CMBL: variants seen among roughly 807,000 people sequenced by gnomAD.
The protein encoded by CMBL is carboxymethylenebutenolidase homolog (Pseudomonas).
Under a neutral mutation model 28.7 loss-of-function variants are expected in CMBL, and 17 were observed. The observed-to-expected ratio is 0.59, with a 90% CI of 0.41 to 0.89. The LOEUF is 0.89. Among genes scored for constraint, CMBL ranks in the 40% least tolerant of loss-of-function variants. The pLI is 0.00. For missense variants in CMBL, 310 were observed against 298.5 expected, an observed-to-expected ratio of 1.04 and a Z score of -0.28; for synonymous variants, 106 against 101.6, an observed-to-expected ratio of 1.04 and a Z score of -0.26.
At chr5:10,296,628 G>C (rs1746814490) in intron 1 of CMBL, among the ~76,000 whole-genome samples, 1 of 152,158 alleles carries the variant, frequency 6.6e-6, no homozygotes, top group Admixed American at 6.5e-5. Flanking sequence ...CTGAGCCCTG[G>C]GGTCCTTCAA....
chr5:10,277,603 CT>C lies in CMBL; in HGVS notation c.*2849del, dbSNP rs969692141. 4.4e-4 allele frequency among the ~76,000 whole-genome samples: 67 copies of C among 151,892 alleles called. No individual in the cohort carries two copies. The highest frequency in any genetic ancestry group is 3.4e-3 in the Middle Eastern group (1 of 294). ...AATTAATTTCACTTGTGTCTCTTTC[CT>C]TTTTTTAATGGGGCTATAAGAAAAT... On this transcript the variant is annotated 3_prime_UTR_variant, in exon 6 of 6. Coordinates refer to ENST00000296658, the MANE Select transcript of CMBL (RefSeq NM_138809.4).
intron 1 of CMBL, among the ~76,000 whole-genome samples, chr5:10,300,350 A>G (rs1189928197): frequency 1.3e-5 from 2 of 152,308 alleles, no homozygotes; most frequent in Middle Eastern, 3.4e-3. Context: ...GACACTTTCA[A>G]TTTGGACTCC....
intron 1 of CMBL, among the ~76,000 whole-genome samples, chr5:10,297,229 C>T (rs1746825245): frequency 6.7e-6 from 1 of 150,156 alleles, no homozygotes; most frequent in African/African-American, 2.5e-5. Context: ...GAGGAGAGAA[C>T]TAAAGAGAGT....
At chr5:10,280,852 C>T (rs1181397314) in intron 5 of CMBL, among the ~76,000 whole-genome samples, 1 of 152,248 alleles carries the variant, frequency 6.6e-6, no homozygotes, top group African/African-American at 2.4e-5. Context: ...CAGCTCACTG[C>T]AACCTCTGCC....
At position 10,278,829 on chromosome 5, in the gene CMBL, C is replaced by G. The variant is rs1035067555; in HGVS notation, c.*1624G>C. Among the ~76,000 whole-genome samples, 1 of 151,968 alleles carries G rather than the reference C, an allele frequency of 6.6e-6. No homozygotes were observed. The highest frequency in any genetic ancestry group is 2.4e-5 in the African/African-American group (1 of 41,354). Reference sequence around the variant, plus strand: ...AGATGAGAGCCACAAGGTCATGTGCCAGGATAAACAAGCTTCCTGCGAGAG... The same window carrying G: ...AGATGAGAGCCACAAGGTCATGTGCGAGGATAAACAAGCTTCCTGCGAGAG... On this transcript the variant is annotated 3_prime_UTR_variant, in exon 6 of 6. Transcript: ENST00000296658.
intron 1 of CMBL, among the ~76,000 whole-genome samples, chr5:10,296,801 G>A (rs927182009): frequency 4.6e-5 from 7 of 152,342 alleles, no homozygotes; most frequent in African/African-American, 4.8e-5. Context: ...TGCCCTCCGC[G>A]TTTGGCAAAG....
Position 10,278,657 on chromosome 5 carries a change from C to A in CMBL, c.*1796G>T, listed in dbSNP as rs1746437701. Among the ~76,000 whole-genome samples, 1 of 152,120 alleles carries A rather than the reference C, an allele frequency of 6.6e-6. No homozygotes were observed. The highest frequency in any genetic ancestry group is 2.1e-4 in the South Asian group (1 of 4,818). On this transcript the variant is annotated 3_prime_UTR_variant, in exon 6 of 6. Coordinates refer to ENST00000296658, the MANE Select transcript of CMBL (RefSeq NM_138809.4). ...CTGGCCCTGTGAAGCGTGCTGCCCT[C>A]TGTTCTCTGGATCTGTAAGCAATAA...
At position 10,277,990 on chromosome 5, in the gene CMBL, G is replaced by T. The variant is rs1746424575; in HGVS notation, c.*2463C>A. ...GCACATCTCAGGGGTTTCCTGGGAG[G>T]CCGGATGAATGTGTGAGGCCTCCTG... is the stretch of plus-strand genomic sequence containing the variant. On this transcript the variant is annotated 3_prime_UTR_variant, in exon 6 of 6. Coordinates refer to ENST00000296658, the MANE Select transcript of CMBL (RefSeq NM_138809.4). Among the ~76,000 whole-genome samples, 1 of 152,232 alleles carries T rather than the reference G, an allele frequency of 6.6e-6. No homozygotes were observed. The highest frequency in any genetic ancestry group is 6.5e-5 in the Admixed American group (1 of 15,286).
At chr5:10,285,976 G>T (rs1229693873) in intron 4 of CMBL, among the ~76,000 whole-genome samples, 3 of 151,912 alleles carry the variant, frequency 2.0e-5, no homozygotes, top group Non-Finnish European at 4.4e-5. Context: ...TGGGATTACA[G>T]GCATTAGCCA....
chr5:10,301,093 G>A (rs1217512821), intron 1 of CMBL, among the ~76,000 whole-genome samples: 3 of 151,728 alleles, frequency 2.0e-5, no homozygotes, highest in African/African-American at 7.3e-5. Flanking sequence ...GAAGAGAGGG[G>A]AGAAAAAATG....
rs367676314 is a variant in CMBL at position 10,291,481 on chromosome 5, T to C, written c.-19-700A>G. On this transcript the variant is annotated intron_variant, in intron 1 of 5. Coordinates refer to ENST00000296658, the MANE Select transcript of CMBL (RefSeq NM_138809.4). ...ATCGAGACCATCCTGGCTAACACGG[T>C]GAAACCCCGTCTCTACTAAAAAACA... 1.8e-3 allele frequency among the ~76,000 whole-genome samples: 278 copies of C among 151,852 alleles called. 1 individual carries two copies. The highest frequency in any genetic ancestry group is 6.6e-3 in the African/African-American group (272 of 41,420).
At chr5:10,298,606 A>C (rs1431630364) in intron 1 of CMBL, among the ~76,000 whole-genome samples, 2 of 152,202 alleles carry the variant, frequency 1.3e-5, no homozygotes, top group African/African-American at 2.4e-5. Context: ...GAATAGCCCC[A>C]TTTGGGCTGA....
intron 5 of CMBL, 118 bp downstream of exon 5, chr5:10,282,079 G>A: frequency 2.9e-6 from 2 of 685,602 alleles, no homozygotes. Flanking sequence ...AGAATGGCTT[G>A]AACCTGGGAG....
intron 1 of CMBL, among the ~76,000 whole-genome samples, chr5:10,296,267 A>C (rs1295682379): frequency 6.6e-6 from 1 of 152,092 alleles, no homozygotes; most frequent in Admixed American, 6.6e-5. Flanking sequence ...AAATACCAAG[A>C]ATGACTGTAT....
intron 1 of CMBL, among the ~76,000 whole-genome samples, chr5:10,291,553 C>T (rs967208482): frequency 9.9e-5 from 15 of 151,466 alleles, no homozygotes; most frequent in Admixed American, 4.6e-4. Flanking sequence ...CCCAGCTACT[C>T]GGGAGGCTGA....
At chr5:10,297,014 GTC>G (rs958796434) in intron 1 of CMBL, among the ~76,000 whole-genome samples, 6 of 152,022 alleles carry the variant, frequency 3.9e-5, no homozygotes, top group Non-Finnish European at 7.4e-5. Flanking sequence ...GTAAAAACCC[GTC>G]TCTACTAAAA....
At chr5:10,296,314 T>C (rs1165897122) in intron 1 of CMBL, among the ~76,000 whole-genome samples, 3 of 152,170 alleles carry the variant, frequency 2.0e-5, no homozygotes, top group Non-Finnish European at 2.9e-5. Flanking sequence ...ACAGTCTCAC[T>C]CTGTCCCCTA....
intron 4 of CMBL, among the ~76,000 whole-genome samples, chr5:10,285,694 C>CTTTTTTTTTTTT (rs1252497762): frequency 1.1e-5 from 1 of 87,384 alleles, no homozygotes; most frequent in African/African-American, 3.1e-5. Flanking sequence ...CTTTCTCTTT[C>CTTTTTTTTTTTT]TTTTTCTTTT....
intron 1 of CMBL, among the ~76,000 whole-genome samples, chr5:10,306,832 C>T (rs552396922): frequency 9.2e-5 from 14 of 152,304 alleles, no homozygotes; most frequent in African/African-American, 3.4e-4. Flanking sequence ...GACATGCCAA[C>T]GACGCCCCTG....
Sources: allele counts gnomAD v4.1 joint callset (sites outside exome capture counted in the v4.1 genomes callset), GRCh38; gene constraint gnomAD v4.1.1; transcripts MANE v1.5; gene names NCBI Gene and HGNC (gene_info 2026-07-23, HGNC 2026-07-21).